VPS37C: variants seen among roughly 807,000 people sequenced by gnomAD.
VPS37C encodes the protein VPS37C subunit of ESCRT-I, also known as vacuolar protein sorting-associated protein 37C.
Under a neutral mutation model 16.1 loss-of-function variants are expected in VPS37C, and 9 were observed. The ratio of observed to expected loss-of-function variants is 0.56; its 90% CI spans 0.34 to 0.97. The LOEUF is 0.97. VPS37C is among the 50% of genes least tolerant of loss of function. The probability of loss-of-function intolerance (pLI) is 0.02; values close to 1 mark genes in which losing one functional copy is unlikely to be tolerated. For missense variants in VPS37C, 479 were observed against 472.7 expected, an observed-to-expected ratio of 1.01 and a Z score of -0.12; for synonymous variants, 207 against 206.4, an observed-to-expected ratio of 1.00 and a Z score of -0.02.
At chr11:61,161,156 C>G (rs990558787) in intron 1 of VPS37C, 3 of 152,296 alleles carry the variant, frequency 2.0e-5, no homozygotes, top group African/African-American at 7.2e-5. Context: ...AGGTGCGACC[C>G]GCCGGGGAGC....
intron 3 of VPS37C, 102 bp downstream of exon 3, chr11:61,133,934 G>A: frequency 3.6e-6 from 5 of 1,398,266 alleles, no homozygotes; most frequent in Admixed American, 2.3e-5. Context: ...TATGGCTGTT[G>A]TGAAAAAATA....
chr11:61,152,249 C>T (rs1853308739), intron 1 of VPS37C, among the ~76,000 whole-genome samples: 1 of 152,158 alleles, frequency 6.6e-6, no homozygotes, highest in African/African-American at 2.4e-5. Context: ...CAGACCCTAC[C>T]CCTGCCAGTG....
chr11:61,133,179 C>T (rs1380728645), intron 4 of VPS37C, 76 bp downstream of exon 4: 5 of 1,494,386 alleles, frequency 3.3e-6, no homozygotes. Context: ...CAGACATCTG[C>T]TTCTCCTTCC....
In VPS37C at chr11:61,139,208, G is replaced by A. The variant is rs557259518; in HGVS notation, c.-6-373C>T. Reference sequence around the variant, plus strand: ...GACTAAGTTTGGCCCAAGGCTGCCCGCAAGCACTGATGCCATCATGCCCTC... The same window carrying A: ...GACTAAGTTTGGCCCAAGGCTGCCCACAAGCACTGATGCCATCATGCCCTC... On this transcript the variant is annotated intron_variant, in intron 1 of 4. Coordinates refer to ENST00000301765, the MANE Select transcript of VPS37C (RefSeq NM_017966.5). Among the ~76,000 whole-genome samples the A allele has an allele frequency of 4.6e-5, 7 of 152,334 alleles. No individual in the cohort carries two copies. In the South Asian group the frequency reaches 6.2e-4, roughly 14 times the overall value.
At chr11:61,146,114 G>A (rs778777324) in intron 1 of VPS37C, among the ~76,000 whole-genome samples, 11 of 151,518 alleles carry the variant, frequency 7.3e-5, no homozygotes, top group Non-Finnish European at 1.5e-4. Flanking sequence ...AGACAGGAAG[G>A]AGAGAACAAG....
chr11:61,131,929 A>G lies in VPS37C; in HGVS notation c.959T>C (p.Phe320Ser). ...CACTGAGGGCTGGGGCTGGCCTGGA[A>G]AGCTGGGGAGCTGAGGCTGTATTGG... ...PYPIQPQLPSFPGQPQPSVPL... is the reference protein window; with the variant it reads ...PYPIQPQLPSSPGQPQPSVPL... Residue 320 changes from phenylalanine to serine, a missense_variant, in exon 5 of 5, where the codon TTT becomes TCT. Phe to Ser is a radical substitution (Grantham distance 155). Transcript: ENST00000301765. The G allele has an allele frequency of 7.7e-7, 1 of 1,294,358 alleles. No homozygotes were observed. The highest frequency in any genetic ancestry group is 2.9e-5 in the South Asian group (1 of 34,468). The allele number at this position is 1,294,358 out of a possible 1,614,324, so 80.2% of individuals were successfully genotyped here.
intron 2 of VPS37C, among the ~76,000 whole-genome samples, chr11:61,134,700 TGA>T (rs1378972102): frequency 6.6e-6 from 1 of 152,030 alleles, no homozygotes; most frequent in African/African-American, 2.4e-5. Flanking sequence ...TTGTGAGGGG[TGA>T]GAGAGCCAGG....
Position 61,159,901 on chromosome 11 carries a change from C to CAAA in VPS37C, c.-7+1487_-7+1489dup, listed in dbSNP as rs35953020. Among the ~76,000 whole-genome samples the CAAA allele has an allele frequency of 2.3e-3, 113 of 49,504 alleles. 8 individuals carry two copies. Among genetic ancestry groups the CAAA allele is most frequent in the Middle Eastern group, 0.011 (1 of 88 alleles). 32.5% of individuals were successfully genotyped at this position (49,504 alleles called of 152,430 possible). ...TGGGCGACAGATCAAGACTCCGTCT[C>CAAA]AAAAAAAAAAAAAAAAAAAAAAAAA... On this transcript the variant is annotated intron_variant, in intron 1 of 4. Transcript: ENST00000301765.
At chr11:61,137,621 C>A (rs1861402188) in intron 2 of VPS37C, among the ~76,000 whole-genome samples, 1 of 152,180 alleles carries the variant, frequency 6.6e-6, no homozygotes, top group African/African-American at 2.4e-5. Context: ...AACGCCCTGG[C>A]AGAGCTCACA....
At position 61,130,698 on chromosome 11, in the gene VPS37C, G is replaced by A. The variant is rs976699102; in HGVS notation, c.*1122C>T. ...CCCAAACCCCACAGTGCAGGGGGCT[G>A]CATATTAAACAGAGACATAATCCCC... On this transcript the variant is annotated 3_prime_UTR_variant, in exon 5 of 5. Transcript: ENST00000301765. 7 of 385,872 alleles carry A rather than the reference G, an allele frequency of 1.8e-5. No homozygotes were observed. The highest frequency in any genetic ancestry group is 8.8e-5 in the African/African-American group (4 of 45,216). 23.9% of individuals were successfully genotyped at this position (385,872 alleles called of 1,614,324 possible).
chr11:61,144,817 T>C (rs1485603079), intron 1 of VPS37C: 8 of 152,118 alleles, frequency 5.3e-5, no homozygotes, highest in African/African-American at 1.7e-4. Flanking sequence ...GGAGGCTGAG[T>C]CTGGGAAGGA....
rs533226871 is a variant in VPS37C at position 61,148,684 on chromosome 11, G to A, written c.-6-9849C>T. On this transcript the variant is annotated intron_variant, in intron 1 of 4. Coordinates refer to ENST00000301765, the MANE Select transcript of VPS37C (RefSeq NM_017966.5). ...TGGAAAAGTTACAGTGTAAACCATGGAGAGGAAGGCGTTTTTAGTTTTCAT... is the reference window on the plus strand; with the variant it reads ...TGGAAAAGTTACAGTGTAAACCATGAAGAGGAAGGCGTTTTTAGTTTTCAT... Among the ~76,000 whole-genome samples, 4 of 152,116 alleles carry A rather than the reference G, an allele frequency of 2.6e-5. No individual in the cohort carries two copies. In the East Asian group the frequency reaches 7.7e-4, roughly 29 times the overall value.
At chr11:61,160,870 G>C (rs112703588) in intron 1 of VPS37C, among the ~76,000 whole-genome samples, 177 of 152,314 alleles carry the variant, frequency 1.2e-3, no homozygotes, top group African/African-American at 4.0e-3. Context: ...CCTGAACAAA[G>C]CCAAAGCTGA....
chr11:61,139,001 G>A (rs75302799), intron 1 of VPS37C, among the ~76,000 whole-genome samples, 166 bp from the exon 2 acceptor site: 2,141 of 152,204 alleles, frequency 0.014, 58 homozygotes, highest in African/African-American at 0.049. Context: ...ACATTCCTGC[G>A]GCTCAGCCCA....
intron 1 of VPS37C, among the ~76,000 whole-genome samples, chr11:61,139,923 T>A (rs1861446405): frequency 6.6e-6 from 1 of 152,080 alleles, no homozygotes; most frequent in Non-Finnish European, 1.5e-5. Flanking sequence ...TTAAATTTTT[T>A]GTAGAGACAG....
intron 1 of VPS37C, among the ~76,000 whole-genome samples, chr11:61,157,715 G>A (rs896616464): frequency 3.3e-5 from 5 of 152,130 alleles, no homozygotes; most frequent in Admixed American, 6.5e-5. Context: ...GACTATTTCC[G>A]GGGGCTAAAA....
chr11:61,148,419 G>A (rs1369332380), intron 1 of VPS37C, among the ~76,000 whole-genome samples: 1 of 152,050 alleles, frequency 6.6e-6, no homozygotes, highest in Non-Finnish European at 1.5e-5. Context: ...ATCTTACCCC[G>A]TATGTCAGAA....
chr11:61,146,435 G>GT (rs1386738203), intron 1 of VPS37C, among the ~76,000 whole-genome samples: 4 of 152,346 alleles, frequency 2.6e-5, no homozygotes, highest in African/African-American at 7.2e-5. Flanking sequence ...TGAGAGCAGC[G>GT]TAACAGAGGC....
Position 61,131,844 on chromosome 11 carries a change from C to T in VPS37C, c.1044G>A (p.Pro348=), listed in dbSNP as rs560010024. The T allele has an allele frequency of 2.6e-6, 3 of 1,140,152 alleles. No individual in the cohort carries two copies. Among genetic ancestry groups the T allele is most frequent in the East Asian group, 4.3e-5 (1 of 23,454 alleles). The allele number at this position is 1,140,152 out of a possible 1,614,324, so 70.6% of individuals were successfully genotyped here. ...TCTAATACCCAGGCCAGGCAGGCCCCGGCGGTGGTGGGAACCCATAGGGAG... is the reference window on the plus strand; with the variant it reads ...TCTAATACCCAGGCCAGGCAGGCCCTGGCGGTGGTGGGAACCCATAGGGAG... ...PAPPYGFPPP[P]GPAWPGY is the part of the protein sequence containing the mutation. The change falls in exon 5 of 5, where the codon CCG becomes CCA. Residue 348 remains proline, a synonymous_variant. Transcript: ENST00000301765.
Sources: allele counts gnomAD v4.1 joint callset (sites outside exome capture counted in the v4.1 genomes callset), GRCh38; gene constraint gnomAD v4.1.1; transcripts MANE v1.5; gene names NCBI Gene and HGNC (gene_info 2026-07-23, HGNC 2026-07-21).